GPC6: variants seen among roughly 807,000 people sequenced by gnomAD.
GPC6 encodes glypican 6.
A neutral mutation model predicts 55.2 loss-of-function variants in GPC6; 14 were observed. The observed-to-expected ratio is 0.25, with a 90% CI of 0.17 to 0.40. GPC6 has a LOEUF of 0.40. Among genes scored for constraint, GPC6 ranks in the 10% least tolerant of loss-of-function variants. The pLI is 1.00. For missense variants in GPC6, 641 were observed against 708.5 expected, an observed-to-expected ratio of 0.90 and a Z score of 1.08; for synonymous variants, 278 against 259.6, an observed-to-expected ratio of 1.07 and a Z score of -0.68.
intron 4 of GPC6, among the ~76,000 whole-genome samples, chr13:94,183,709 C>T (rs1889074728): frequency 6.6e-6 from 1 of 152,184 alleles, no homozygotes; most frequent in African/African-American, 2.4e-5. Flanking sequence ...AATTTCTCCA[C>T]ACCCTTGCCA....
intron 3 of GPC6, among the ~76,000 whole-genome samples, chr13:93,933,690 T>C (rs999614195): frequency 2.6e-5 from 4 of 152,234 alleles, no homozygotes; most frequent in Admixed American, 2.6e-4. Context: ...AGTACTGTTA[T>C]TGTCACTCAG....
intron 3 of GPC6, among the ~76,000 whole-genome samples, chr13:93,925,542 G>A (rs1224974488): frequency 6.6e-6 from 1 of 152,130 alleles, no homozygotes; most frequent in Non-Finnish European, 1.5e-5. Context: ...TCCACATTGT[G>A]CCTTAAATTG....
At chr13:93,863,255 C>A (rs1033900004) in intron 3 of GPC6, among the ~76,000 whole-genome samples, 1 of 151,648 alleles carries the variant, frequency 6.6e-6, no homozygotes, top group Non-Finnish European at 1.5e-5. Flanking sequence ...AACACAGTCA[C>A]ACTTATTTAT....
chr13:94,158,095 A>C (rs1204359570), intron 4 of GPC6, among the ~76,000 whole-genome samples: 2 of 152,186 alleles, frequency 1.3e-5, no homozygotes, highest in Admixed American at 6.5e-5. Flanking sequence ...AATGGTCAGT[A>C]AGCCCAATTT....
At chr13:93,728,964 A>G (rs1251274839) in intron 2 of GPC6, among the ~76,000 whole-genome samples, 1 of 152,206 alleles carries the variant, frequency 6.6e-6, no homozygotes, top group Non-Finnish European at 1.5e-5. Context: ...ATCAGTCTAC[A>G]ACTAATGGTT....
chr13:94,341,121 T>TTGAG (rs1878012033), intron 6 of GPC6, among the ~76,000 whole-genome samples: 1 of 152,232 alleles, frequency 6.6e-6, no homozygotes, highest in African/African-American at 2.4e-5. Flanking sequence ...CTAATATTTG[T>TTGAG]TGAGTATTGA....
At chr13:93,358,627 G>T (rs1880937023) in intron 1 of GPC6, among the ~76,000 whole-genome samples, 1 of 152,120 alleles carries the variant, frequency 6.6e-6, no homozygotes, top group African/African-American at 2.4e-5. Flanking sequence ...TATCATGTAG[G>T]AATATGCAGT....
intron 1 of GPC6, among the ~76,000 whole-genome samples, chr13:93,439,692 A>AGAT (rs1566358042): frequency 3.8e-4 from 27 of 71,186 alleles, no homozygotes; most frequent in African/African-American, 1.2e-3. Flanking sequence ...AAAATAAATA[A>AGAT]AAAAAATAAA....
At chr13:93,270,077 A>G (rs190576288) in intron 1 of GPC6, among the ~76,000 whole-genome samples, 1 of 151,660 alleles carries the variant, frequency 6.6e-6, no homozygotes, top group East Asian at 2.0e-4. Context: ...CAGCATAGTA[A>G]GACTATGGCT....
chr13:93,342,923 C>T (rs1880308135), intron 1 of GPC6, among the ~76,000 whole-genome samples: 1 of 152,168 alleles, frequency 6.6e-6, no homozygotes, highest in South Asian at 2.1e-4. Flanking sequence ...AGTACAACCA[C>T]ACAGGAAGGA....
intron 1 of GPC6, among the ~76,000 whole-genome samples, chr13:93,271,392 A>G (rs1003382562): frequency 1.3e-5 from 2 of 152,068 alleles, no homozygotes; most frequent in African/African-American, 2.4e-5. Flanking sequence ...CTGAAGAAAA[A>G]CTTTTCATTC....
At chr13:93,533,780 C>T (rs956095629) in intron 1 of GPC6, among the ~76,000 whole-genome samples, 1 of 151,682 alleles carries the variant, frequency 6.6e-6, no homozygotes, top group African/African-American at 2.4e-5. Flanking sequence ...TGAAGTTGCT[C>T]TTGCTGTCAG....
chr13:93,316,918 C>G (rs1879266097), intron 1 of GPC6, among the ~76,000 whole-genome samples: 1 of 152,072 alleles, frequency 6.6e-6, no homozygotes, highest in East Asian at 1.9e-4. Context: ...GTAGCATATA[C>G]ACTTAGTGCT....
Position 93,831,893 on chromosome 13 carries a change from A to G in GPC6, c.711+1348A>G, listed in dbSNP as rs190683862. On this transcript the variant is annotated intron_variant, in intron 3 of 8. Transcript: ENST00000377047. ...ATCTCGAGGGCAGGAGATCGAGACCATCCTGGCTAACATGGTGAAACCCCA... is the reference window on the plus strand; with the variant it reads ...ATCTCGAGGGCAGGAGATCGAGACCGTCCTGGCTAACATGGTGAAACCCCA... 4.5e-3 allele frequency among the ~76,000 whole-genome samples: 669 copies of G among 150,236 alleles called. 7 individuals carry two copies. The highest frequency in any genetic ancestry group is 0.016 in the African/African-American group (641 of 40,790).
intron 6 of GPC6, among the ~76,000 whole-genome samples, chr13:94,358,355 C>T (rs1049089594): frequency 3.3e-5 from 5 of 150,962 alleles, no homozygotes; most frequent in Admixed American, 2.6e-4. Context: ...AGCAGTACTA[C>T]ATATTCAAAA....
chr13:93,702,649 T>C (rs1882712137), intron 2 of GPC6, among the ~76,000 whole-genome samples: 1 of 152,010 alleles, frequency 6.6e-6, no homozygotes, highest in African/African-American at 2.4e-5. Flanking sequence ...CCCATCTTCA[T>C]CAATTATCAT....
At chr13:93,395,862 A>T (rs1875833935) in intron 1 of GPC6, 1 of 152,330 alleles carries the variant, frequency 6.6e-6, no homozygotes, top group African/African-American at 2.4e-5. Flanking sequence ...GACTTCAACA[A>T]TGTGGGCAGA....
chr13:94,242,645 A>T (rs1891088777), intron 4 of GPC6, among the ~76,000 whole-genome samples: 1 of 152,058 alleles, frequency 6.6e-6, no homozygotes, highest in South Asian at 2.1e-4. Flanking sequence ...GTGTTTAGGG[A>T]TTACAGTGGG....
At chr13:94,397,367 C>T (rs1206334275) in intron 7 of GPC6, among the ~76,000 whole-genome samples, 1 of 152,094 alleles carries the variant, frequency 6.6e-6, no homozygotes, top group Non-Finnish European at 1.5e-5. Context: ...TATAAATACC[C>T]CTAGGCAGCT....
Sources: allele counts gnomAD v4.1 joint callset (sites outside exome capture counted in the v4.1 genomes callset), GRCh38; gene constraint gnomAD v4.1.1; transcripts MANE v1.5; gene names NCBI Gene and HGNC (gene_info 2026-07-23, HGNC 2026-07-21).